Variants in TMSB15B observed in about 807,000 individuals in gnomAD.
The protein encoded by TMSB15B is thymosin beta-15B.
chrX:103,955,371 A>G (rs1183775139), intron 1 of TMSB15B, among the ~76,000 whole-genome samples: 1 of 111,079 alleles, frequency 9.0e-6, no homozygotes, highest in Non-Finnish European at 1.9e-5. Context: ...TTGTAACCCA[A>G]TGCAAGGAAG....
At chrX:103,955,477 C>T (rs1329439120) in intron 1 of TMSB15B, among the ~76,000 whole-genome samples, 1 of 109,801 alleles carries the variant, frequency 9.1e-6, no homozygotes, top group Non-Finnish European at 1.9e-5. Flanking sequence ...AAACACACTA[C>T]AAGAATTTCA....
intron 1 of TMSB15B, among the ~76,000 whole-genome samples, chrX:103,947,267 C>G (rs1426654476): frequency 9.0e-6 from 1 of 111,615 alleles, no homozygotes; most frequent in Non-Finnish European, 1.9e-5. Flanking sequence ...AATCCAGACA[C>G]AGAGGAGTAT....
At chrX:103,935,267 A>T (rs1286781842) in intron 1 of TMSB15B, among the ~76,000 whole-genome samples, 1 of 112,132 alleles carries the variant, frequency 8.9e-6, no homozygotes, top group Non-Finnish European at 1.9e-5. Flanking sequence ...GATAGATGTC[A>T]AAAATTTCCC....
At chrX:103,953,388 T>G in intron 1 of TMSB15B, among the ~76,000 whole-genome samples, 1 of 112,329 alleles carries the variant, frequency 8.9e-6, no homozygotes, top group Non-Finnish European at 1.9e-5. Flanking sequence ...GTTAGACCCC[T>G]GTACCTACCC....
chrX:103,927,540 C>A (rs1249286592), intron 1 of TMSB15B, among the ~76,000 whole-genome samples: 2 of 111,424 alleles, frequency 1.8e-5, no homozygotes, highest in African/African-American at 6.5e-5. Context: ...ACAACTTGGG[C>A]AGGAATCTAT....
At chrX:103,923,816 T>C (rs1484781615) in intron 1 of TMSB15B, among the ~76,000 whole-genome samples, 2 of 111,742 alleles carry the variant, frequency 1.8e-5, no homozygotes, top group African/African-American at 6.5e-5. Context: ...TTCAAGATAT[T>C]GATTCTTCCT....
intron 1 of TMSB15B, chrX:103,928,892 T>C: frequency 3.3e-6 from 4 of 1,206,035 alleles, no homozygotes; most frequent in Non-Finnish European, 4.5e-6. Context: ...GGCCAAAAGC[T>C]TCTCCTGATC....
At chrX:103,931,921 T>C (rs1447301849) in intron 1 of TMSB15B, 8 of 111,244 alleles carry the variant, frequency 7.2e-5, no homozygotes, top group Non-Finnish European at 1.5e-4. Context: ...ATCATACCTA[T>C]GTAATGGAGC....
chrX:103,942,825 A>G (rs2075015940), intron 1 of TMSB15B, among the ~76,000 whole-genome samples: 1 of 111,782 alleles, frequency 8.9e-6, no homozygotes, highest in Admixed American at 9.5e-5. Flanking sequence ...TACTAATAGT[A>G]AAGCAGATTA....
intron 1 of TMSB15B, among the ~76,000 whole-genome samples, chrX:103,930,725 G>A (rs201978942): frequency 1.8e-3 from 169 of 93,063 alleles, no homozygotes; most frequent in African/African-American, 6.3e-3. Context: ...TGATGCTGTT[G>A]ATAATAATAA....
intron 1 of TMSB15B, among the ~76,000 whole-genome samples, chrX:103,954,847 T>C (rs1472219937): frequency 5.4e-5 from 6 of 111,717 alleles, no homozygotes; most frequent in African/African-American, 2.0e-4. Context: ...CACAGCTGCT[T>C]TGCCTCTGCT....
intron 1 of TMSB15B, among the ~76,000 whole-genome samples, chrX:103,945,440 C>T (rs1188409923): frequency 9.0e-6 from 1 of 111,709 alleles, no homozygotes; most frequent in Non-Finnish European, 1.9e-5. Flanking sequence ...GAGATGCAAC[C>T]TCACTTTACA....
chrX:103,927,261 G>T (rs1228859026), intron 1 of TMSB15B, among the ~76,000 whole-genome samples: 2 of 111,865 alleles, frequency 1.8e-5, no homozygotes, highest in Non-Finnish European at 3.8e-5. Context: ...GTCACCACAG[G>T]TGCTACCAGC....
intron 1 of TMSB15B, chrX:103,928,893 T>G (rs4907851): frequency 0.36 from 434,158 of 1,201,544 alleles, 54,949 homozygotes; most frequent in Admixed American, 0.65. Flanking sequence ...GCCAAAAGCT[T>G]CTCCTGATCT....
chrX:103,927,668 T>G (rs1366530143), intron 1 of TMSB15B, among the ~76,000 whole-genome samples: 2 of 108,582 alleles, frequency 1.8e-5, no homozygotes, highest in African/African-American at 3.3e-5. Context: ...CCAGGTTTTT[T>G]TTTTTTTTTT....
At chrX:103,940,307 A>G (rs1382355966) in intron 1 of TMSB15B, among the ~76,000 whole-genome samples, 4 of 112,297 alleles carry the variant, frequency 3.6e-5, no homozygotes, top group African/African-American at 9.7e-5. Flanking sequence ...GGTTTTATCT[A>G]TAAGTCCCTG....
chrX:103,928,222 T>C (rs1192525041), intron 1 of TMSB15B: 1 of 1,200,030 alleles, frequency 8.3e-7, no homozygotes, highest in African/African-American at 1.8e-5. Flanking sequence ...CTATGTCTAC[T>C]TTTCTGACCT....
At position 103,955,156 on chromosome X, in the gene TMSB15B, G is replaced by T. The variant is rs374313950; in HGVS notation, c.-720-6865G>T. Reference sequence around the variant, plus strand: ...AAAGAAAAAAAACATCCAAAGGTCAGCAACCTCAAAAGTTGAAGGTAGGTA... The same window carrying T: ...AAAGAAAAAAAACATCCAAAGGTCATCAACCTCAAAAGTTGAAGGTAGGTA... On this transcript the variant is annotated intron_variant, in intron 1 of 3. Transcript: ENST00000419165. Among the ~76,000 whole-genome samples, 37 of 111,463 alleles carry T rather than the reference G, an allele frequency of 3.3e-4. 3 individuals are homozygous for T. Among genetic ancestry groups the T allele is most frequent in the Admixed American group, 2.4e-3 (25 of 10,509 alleles).
intron 1 of TMSB15B, among the ~76,000 whole-genome samples, chrX:103,950,710 A>G (rs1355306578): frequency 9.1e-6 from 1 of 110,320 alleles, no homozygotes; most frequent in African/African-American, 3.3e-5. Flanking sequence ...CTGTTTTTAT[A>G]TATATGTATA....
Sources: allele counts gnomAD v4.1 joint callset (sites outside exome capture counted in the v4.1 genomes callset), GRCh38; gene constraint gnomAD v4.1.1; transcripts MANE v1.5; gene names NCBI Gene and HGNC (gene_info 2026-07-23, HGNC 2026-07-21).